The following KCNN2 variants were observed in gnomAD, a reference collection of about 807,000 sequenced individuals.
KCNN2 encodes potassium calcium-activated channel subfamily N member 2.
In KCNN2, 24 loss-of-function variants were observed where a neutral mutation model predicts 55.5. That is an observed-to-expected ratio of 0.43 (90% CI 0.31 to 0.61). The LOEUF is 0.61. Ranked by LOEUF, KCNN2 falls within the 20% of genes least tolerant of loss-of-function variation. The pLI is 0.08. For synonymous variants in KCNN2, 431 were observed against 336.1 expected (o/e 1.28, Z -3.09); for missense variants, 754 against 853.6 (o/e 0.88, Z 1.45).
At chr5:114,361,541 G>T (rs1289443282), upstream of KCNN2, among the ~76,000 whole-genome samples, 2 of 152,208 alleles carry the variant, frequency 1.3e-5, no homozygotes, top group African/African-American at 4.8e-5. Flanking sequence ...CTCTCGGCGG[G>T]ATGATCTGGG....
chr5:114,373,640 T>TTATATATA lies in KCNN2; in HGVS notation c.1218+9650_1218+9657dup, dbSNP rs61356539. 5.9e-3 allele frequency among the ~76,000 whole-genome samples: 332 copies of TTATATATA among 56,664 alleles called. 86 individuals are homozygous for TTATATATA. The highest frequency in any genetic ancestry group is 0.023 in the East Asian group (17 of 732). The allele number at this position is 56,664 out of a possible 152,430, so 37.2% of individuals were successfully genotyped here. On this transcript the variant is annotated intron_variant, in intron 2 of 7. Transcript: ENST00000673685. ...CTCTCATGGTGTTGTTATGAAGATT[T>TTATATATA]TATATATATATATATATAAAATTAC... is the stretch of plus-strand genomic sequence containing the variant.
intron 1 of KCNN2, among the ~76,000 whole-genome samples, chr5:114,168,216 T>A (rs1052959173): frequency 1.3e-5 from 2 of 151,410 alleles, no homozygotes; most frequent in Non-Finnish European, 2.9e-5. Flanking sequence ...CTAGGTAGTA[T>A]GATAAATACA....
intron 2 of KCNN2, 147 bp from the exon 3 acceptor site, chr5:114,404,291 T>C: frequency 3.2e-6 from 2 of 629,280 alleles, no homozygotes; most frequent in East Asian, 2.7e-5. Flanking sequence ...TTACTAAAAA[T>C]AGTATACCTG....
intron 3 of KCNN2, among the ~76,000 whole-genome samples, chr5:114,415,430 TG>T (rs1319524294): frequency 6.6e-6 from 1 of 152,236 alleles, no homozygotes; most frequent in East Asian, 1.9e-4. Flanking sequence ...TGTGCGTGTG[TG>T]TGTGTATTAT....
intron 1 of KCNN2, among the ~76,000 whole-genome samples, chr5:114,215,471 G>C (rs899144171): frequency 2.6e-5 from 4 of 152,136 alleles, no homozygotes; most frequent in Non-Finnish European, 4.4e-5. Flanking sequence ...CTTGTTTGTG[G>C]ACTAACACTC....
At chr5:114,385,744 T>C (rs1580776422) in intron 2 of KCNN2, among the ~76,000 whole-genome samples, 1 of 152,174 alleles carries the variant, frequency 6.6e-6, no homozygotes, top group East Asian at 1.9e-4. Flanking sequence ...TCTTCTGTAT[T>C]AGTATCCCGT....
intron 1 of KCNN2, among the ~76,000 whole-genome samples, chr5:114,138,562 T>C (rs1007794222): frequency 1.2e-4 from 19 of 152,188 alleles, no homozygotes; most frequent in African/African-American, 4.3e-4. Context: ...TCTGTTTCTC[T>C]TTGGAGCTAC....
At chr5:114,299,801 T>C (rs145231414) in intron 2 of KCNN2, among the ~76,000 whole-genome samples, 2 of 152,204 alleles carry the variant, frequency 1.3e-5, no homozygotes, top group African/African-American at 2.4e-5. Flanking sequence ...GAGGAGGCCA[T>C]GGCAACCCAG....
intron 2 of KCNN2, among the ~76,000 whole-genome samples, chr5:114,370,008 T>C (rs960396568): frequency 1.3e-5 from 2 of 152,136 alleles, no homozygotes; most frequent in African/African-American, 4.8e-5. Context: ...AGTGGTTTTG[T>C]GGGGTTGTTT....
intron 3 of KCNN2, among the ~76,000 whole-genome samples, chr5:114,460,410 CT>C (rs915540282): frequency 2.6e-5 from 4 of 151,952 alleles, no homozygotes; most frequent in African/African-American, 4.8e-5. Flanking sequence ...ACCTGGCTAA[CT>C]TTTGCATTTT....
At chr5:114,426,692 T>C (rs571929445) in intron 3 of KCNN2, among the ~76,000 whole-genome samples, 2 of 152,336 alleles carry the variant, frequency 1.3e-5, no homozygotes, top group African/African-American at 4.8e-5. Context: ...ACTGTAGTCA[T>C]TTTTACTGCT....
chr5:114,182,448 T>C (rs1753258664), intron 1 of KCNN2, among the ~76,000 whole-genome samples: 1 of 152,108 alleles, frequency 6.6e-6, no homozygotes, highest in Admixed American at 6.5e-5. Flanking sequence ...GGGGATTTCA[T>C]TGACTTCATA....
At chr5:114,159,141 G>C (rs938304840) in intron 1 of KCNN2, among the ~76,000 whole-genome samples, 8 of 152,152 alleles carry the variant, frequency 5.3e-5, no homozygotes, top group African/African-American at 1.9e-4. Flanking sequence ...CTGTGGTTTT[G>C]TCATAGATAG....
intron 2 of KCNN2, among the ~76,000 whole-genome samples, chr5:114,336,225 G>A (rs73779801): frequency 0.011 from 1,610 of 152,300 alleles, 26 homozygotes; most frequent in African/African-American, 0.037. Flanking sequence ...AGAAGAACAT[G>A]TTGGGATCTG....
intron 2 of KCNN2, among the ~76,000 whole-genome samples, chr5:114,297,611 T>C (rs1292661993): frequency 2.0e-5 from 3 of 152,152 alleles, no homozygotes; most frequent in Non-Finnish European, 4.4e-5. Context: ...TCTGAGAATG[T>C]ATCCCTCCAA....
At chr5:114,134,515 T>G (rs972863933) in intron 1 of KCNN2, among the ~76,000 whole-genome samples, 1 of 133,304 alleles carries the variant, frequency 7.5e-6, no homozygotes, top group Non-Finnish European at 1.6e-5. Context: ...TTATTTTGTC[T>G]CCTAGGCTGG....
At chr5:114,180,961 T>C (rs1398592116) in intron 1 of KCNN2, among the ~76,000 whole-genome samples, 1 of 152,212 alleles carries the variant, frequency 6.6e-6, no homozygotes, top group Non-Finnish European at 1.5e-5. Context: ...GTTACATGTA[T>C]GAGTAGTTGG....
chr5:114,116,051 A>C (rs540286110), intron 1 of KCNN2, among the ~76,000 whole-genome samples: 1 of 152,254 alleles, frequency 6.6e-6, no homozygotes, highest in African/African-American at 2.4e-5. Context: ...GAATGAAAGG[A>C]AGGAAGCAGA....
intron 2 of KCNN2, among the ~76,000 whole-genome samples, chr5:114,309,419 GA>G (rs1161987930): frequency 6.6e-6 from 1 of 152,144 alleles, no homozygotes; most frequent in Non-Finnish European, 1.5e-5. Context: ...TACCCTGTAA[GA>G]AACCAGCATG....
Sources: gnomAD v4.1 joint callset for allele counts (sites outside exome capture counted in the v4.1 genomes callset) on GRCh38, gnomAD v4.1.1 for gene constraint, MANE v1.5 for transcripts, NCBI Gene and HGNC (gene_info 2026-07-23, HGNC 2026-07-21) for gene names.